The following CTNND2 variants were observed in gnomAD, a reference collection of about 807,000 sequenced individuals.
CTNND2 encodes catenin delta-2.
A neutral mutation model predicts 144.4 loss-of-function variants in CTNND2; 22 were observed. The observed-to-expected ratio is 0.15, with a 90% CI of 0.11 to 0.22. CTNND2 has a LOEUF of 0.22. CTNND2 is among the 10% of genes least tolerant of loss of function. The probability of loss-of-function intolerance (pLI) is 1.00; values close to 1 mark genes in which losing one functional copy is unlikely to be tolerated. For missense variants in CTNND2, 1,353 were observed against 1,618.8 expected, an observed-to-expected ratio of 0.84 and a Z score of 2.82; for synonymous variants, 751 against 695.6, an observed-to-expected ratio of 1.08 and a Z score of -1.25.
chr5:11,334,603 T>C (rs1278127021), intron 9 of CTNND2, among the ~76,000 whole-genome samples: 1 of 152,226 alleles, frequency 6.6e-6, no homozygotes, highest in African/African-American at 2.4e-5. Flanking sequence ...TCCCTTCATA[T>C]GTAACTAACT....
intron 8 of CTNND2, among the ~76,000 whole-genome samples, chr5:11,360,435 A>AG (rs1242369495): frequency 2.6e-5 from 4 of 152,132 alleles, no homozygotes; most frequent in African/African-American, 9.7e-5. Flanking sequence ...CCCAGGGGTG[A>AG]GGTCAGCATG....
intron 3 of CTNND2, among the ~76,000 whole-genome samples, chr5:11,460,608 G>A (rs1259705521): frequency 1.3e-5 from 2 of 152,114 alleles, no homozygotes; most frequent in Non-Finnish European, 2.9e-5. Flanking sequence ...CCTTGCTCAG[G>A]CTATTCTAGT....
intron 11 of CTNND2, among the ~76,000 whole-genome samples, chr5:11,197,350 G>A (rs375782677): frequency 4.6e-5 from 7 of 152,224 alleles, no homozygotes; most frequent in South Asian, 2.1e-4. Flanking sequence ...CCATCTTAAC[G>A]GATGTGGCTA....
intron 2 of CTNND2, among the ~76,000 whole-genome samples, chr5:11,593,998 T>A (rs1027751574): frequency 1.3e-5 from 2 of 152,222 alleles, no homozygotes; most frequent in Non-Finnish European, 2.9e-5. Flanking sequence ...AAAATAAATG[T>A]GACAGTTGTG....
chr5:11,665,285 T>C (rs957926679), intron 2 of CTNND2, among the ~76,000 whole-genome samples: 3 of 152,164 alleles, frequency 2.0e-5, no homozygotes, highest in African/African-American at 7.2e-5. Flanking sequence ...AGCTATGAGA[T>C]AGTGAGCAAG....
chr5:11,447,564 A>G (rs1288175667), intron 3 of CTNND2, among the ~76,000 whole-genome samples: 1 of 152,180 alleles, frequency 6.6e-6, no homozygotes, highest in Admixed American at 6.5e-5. Flanking sequence ...CCAATCAACA[A>G]TAGACACCAG....
chr5:11,642,598 G>A (rs900782614), intron 2 of CTNND2, among the ~76,000 whole-genome samples: 7 of 152,198 alleles, frequency 4.6e-5, no homozygotes, highest in South Asian at 2.1e-4. Flanking sequence ...GTGGGGCTGC[G>A]AGATGAGGGC....
At chr5:11,207,346 T>A (rs1260958348) in intron 10 of CTNND2, among the ~76,000 whole-genome samples, 1 of 149,122 alleles carries the variant, frequency 6.7e-6, no homozygotes, top group African/African-American at 2.5e-5. Context: ...GTAACAGACA[T>A]GCAAGTTCTG....
intron 14 of CTNND2, among the ~76,000 whole-genome samples, chr5:11,103,878 G>T (rs1468305): frequency 0.17 from 26,009 of 152,128 alleles, 2,707 homozygotes; most frequent in South Asian, 0.24. Context: ...TCCTGCAACT[G>T]CCCTAGTCTC....
At chr5:11,070,892 G>C (rs1471197690) in intron 16 of CTNND2, among the ~76,000 whole-genome samples, 3 of 151,930 alleles carry the variant, frequency 2.0e-5, no homozygotes, top group African/African-American at 7.3e-5. Flanking sequence ...AAATGAAGAG[G>C]ACGTGAAATA....
intron 2 of CTNND2, among the ~76,000 whole-genome samples, chr5:11,720,322 T>C (rs958567211): frequency 1.3e-4 from 20 of 152,166 alleles, no homozygotes; most frequent in Non-Finnish European, 2.4e-4. Flanking sequence ...TCCAAATATA[T>C]GGGGGGCTAC....
intron 16 of CTNND2, among the ~76,000 whole-genome samples, chr5:11,048,543 C>T (rs1017397595): frequency 6.6e-6 from 1 of 152,162 alleles, no homozygotes; most frequent in African/African-American, 2.4e-5. Context: ...TCTAATGGTG[C>T]AACCATCCAC....
intron 3 of CTNND2, among the ~76,000 whole-genome samples, chr5:11,483,297 C>T (rs1404365571): frequency 6.6e-6 from 1 of 152,124 alleles, no homozygotes; most frequent in Non-Finnish European, 1.5e-5. Flanking sequence ...CTGGGAAAGG[C>T]CACTCAGGAA....
rs79560893 is a variant in CTNND2, at chr5:11,873,736, A to G, written c.37+30081T>C. Among the ~76,000 whole-genome samples, 799 of 152,284 alleles carry G rather than the reference A, an allele frequency of 5.2e-3. 4 individuals are homozygous for G. The highest frequency in any genetic ancestry group is 0.018 in the African/African-American group (768 of 41,570). On this transcript the variant is annotated intron_variant, in intron 1 of 21. Coordinates refer to ENST00000304623, the MANE Select transcript of CTNND2 (RefSeq NM_001332.4). ...TCACTTTCTGCGTGGGAATTTCCCAACTGGACAAGGGGCTGGAATGGAGTC... is the reference window on the plus strand; with the variant it reads ...TCACTTTCTGCGTGGGAATTTCCCAGCTGGACAAGGGGCTGGAATGGAGTC...
chr5:11,046,486 C>A (rs1226233340), intron 16 of CTNND2, among the ~76,000 whole-genome samples: 2 of 152,160 alleles, frequency 1.3e-5, no homozygotes, highest in Non-Finnish European at 2.9e-5. Flanking sequence ...GTTAGGGGCA[C>A]TTTGTTATAG....
chr5:11,712,921 A>G (rs1222191831), intron 2 of CTNND2, among the ~76,000 whole-genome samples: 1 of 152,222 alleles, frequency 6.6e-6, no homozygotes, highest in African/African-American at 2.4e-5. Flanking sequence ...GCAGCACACA[A>G]AAGCAGAGGT....
chr5:11,477,257 G>T (rs1282400290), intron 3 of CTNND2, among the ~76,000 whole-genome samples: 5 of 152,008 alleles, frequency 3.3e-5, no homozygotes, highest in Admixed American at 3.3e-4. Flanking sequence ...TCTTAGAAAA[G>T]CAACTTTTTT....
chr5:11,109,050 G>A (rs1325030573), intron 14 of CTNND2, among the ~76,000 whole-genome samples: 1 of 152,204 alleles, frequency 6.6e-6, no homozygotes, highest in African/African-American at 2.4e-5. Context: ...CCTTCTGGGG[G>A]AGACGCGCCT....
chr5:11,547,224 C>T (rs370333771), intron 3 of CTNND2, among the ~76,000 whole-genome samples: 4 of 150,980 alleles, frequency 2.6e-5, no homozygotes, highest in Non-Finnish European at 2.9e-5. Context: ...GCCAAGATCA[C>T]GCCACCGCAC....
Sources: allele counts gnomAD v4.1 joint callset (sites outside exome capture counted in the v4.1 genomes callset), GRCh38; gene constraint gnomAD v4.1.1; transcripts MANE v1.5; gene names NCBI Gene and HGNC (gene_info 2026-07-23, HGNC 2026-07-21).